Variants in THADA observed in about 807,000 individuals in gnomAD.
The protein encoded by THADA is tRNA (32-2'-O)-methyltransferase regulator THADA.
THADA carries 213 observed loss-of-function variants against 219.8 expected under a neutral mutation model. The ratio of observed to expected loss-of-function variants is 0.97; its 90% confidence interval spans 0.87 to 1.09. The LOEUF (loss-of-function observed/expected upper bound fraction) is 1.09, where lower values mean the gene tolerates loss of function less well. Among genes scored for constraint, THADA ranks in the 50% least tolerant of loss-of-function variants. The pLI, the probability that THADA is intolerant of heterozygous loss-of-function variation, is 0.00. For missense variants in THADA, 2,956 were observed against 2,311.3 expected, an observed-to-expected ratio of 1.28 and a Z score of -5.72; for synonymous variants, 1,018 against 828.9, an observed-to-expected ratio of 1.23 and a Z score of -3.92.
At chr2:43,591,759 GT>G (rs1701598637) in intron 3 of THADA, among the ~76,000 whole-genome samples, 192 bp downstream of exon 3, 1 of 152,054 alleles carries the variant, frequency 6.6e-6, no homozygotes, top group African/African-American at 2.4e-5. Context: ...TATGATAGAA[GT>G]CTGAATATGG....
At chr2:43,521,630 A>G (rs1460036592) in intron 22 of THADA, among the ~76,000 whole-genome samples, 2 of 152,218 alleles carry the variant, frequency 1.3e-5, no homozygotes, top group African/African-American at 4.8e-5. Flanking sequence ...ACTAAAAGTA[A>G]CAGAAGTGAA....
intron 29 of THADA, among the ~76,000 whole-genome samples, chr2:43,349,866 A>G (rs1668051516): frequency 6.6e-6 from 1 of 152,216 alleles, no homozygotes; most frequent in Admixed American, 6.5e-5. Context: ...CTGCAGGTGA[A>G]TATTTTTGAC....
chr2:43,259,853 T>C (rs1164085640), intron 36 of THADA, among the ~76,000 whole-genome samples: 2 of 152,380 alleles, frequency 1.3e-5, no homozygotes, highest in Middle Eastern at 3.4e-3. Flanking sequence ...AAAAGGGAAT[T>C]GCTGGCTCAA....
Position 43,432,556 on chromosome 2 carries a change from G to A in THADA, c.3837-2254C>T, listed in dbSNP as rs113511271. 1.3e-3 allele frequency among the ~76,000 whole-genome samples: 204 copies of A among 151,128 alleles called. 1 individual carries two copies. The highest frequency in any genetic ancestry group is 0.01 in the Middle Eastern group (3 of 292). Reference sequence around the variant, plus strand: ...TTTCATTTCTCCTGGATTAATATCCGAGAATAAAACTGTAACATGTCTAAC... The same window carrying A: ...TTTCATTTCTCCTGGATTAATATCCAAGAATAAAACTGTAACATGTCTAAC... On this transcript the variant is annotated intron_variant, in intron 26 of 37. Coordinates refer to ENST00000405975, the MANE Select transcript of THADA (RefSeq NM_022065.5).
chr2:43,261,156 T>G (rs1201913871), intron 36 of THADA, among the ~76,000 whole-genome samples: 1 of 151,992 alleles, frequency 6.6e-6, no homozygotes, highest in African/African-American at 2.4e-5. Context: ...TGCCTAATAT[T>G]ATTATTGCCA....
intron 10 of THADA, among the ~76,000 whole-genome samples, chr2:43,575,559 G>T (rs1418483355): frequency 1.3e-5 from 2 of 152,156 alleles, no homozygotes; most frequent in African/African-American, 4.8e-5. Flanking sequence ...ATTTATTTGA[G>T]ACAGGGTCTT....
At chr2:43,244,941 G>A (rs1192503184) in intron 36 of THADA, among the ~76,000 whole-genome samples, 2 of 152,150 alleles carry the variant, frequency 1.3e-5, no homozygotes, top group Non-Finnish European at 2.9e-5. Flanking sequence ...CTACCCCTGT[G>A]TCATGAGCCA....
intron 36 of THADA, among the ~76,000 whole-genome samples, chr2:43,246,360 T>C (rs979641437): frequency 6.6e-6 from 1 of 151,950 alleles, no homozygotes; most frequent in Non-Finnish European, 1.5e-5. Context: ...CCGGGCACGG[T>C]GGTGGGCGCC....
intron 31 of THADA, among the ~76,000 whole-genome samples, chr2:43,298,238 T>G (rs906193171): frequency 1.9e-4 from 15 of 80,702 alleles, no homozygotes; most frequent in Non-Finnish European, 2.9e-4. Context: ...AGACTTTTCA[T>G]TTTGTTCTGC....
In THADA at chr2:43,430,723, C is replaced by T. The variant is rs1679133110; in HGVS notation, c.3837-421G>A. On this transcript the variant is annotated intron_variant, in intron 26 of 37. Coordinates refer to ENST00000405975, the MANE Select transcript of THADA (RefSeq NM_022065.5). ...ACCCTGGCACCAATGACAGTTTGGACCAAATAACTCTTTGTTTCAGGGGAC... is the reference window on the plus strand; with the variant it reads ...ACCCTGGCACCAATGACAGTTTGGATCAAATAACTCTTTGTTTCAGGGGAC... The T allele has an allele frequency of 1.1e-4, 50 of 448,666 alleles. 1 individual carries two copies. The highest frequency in any genetic ancestry group is 7.9e-4 in the South Asian group (50 of 63,090). 27.8% of individuals were successfully genotyped at this position (448,666 alleles called of 1,614,324 possible).
At chr2:43,398,293 A>T (rs1200859206) in intron 28 of THADA, among the ~76,000 whole-genome samples, 154 bp from the exon 29 acceptor site, 1 of 152,228 alleles carries the variant, frequency 6.6e-6, no homozygotes, top group Non-Finnish European at 1.5e-5. Flanking sequence ...TTGTATCTGC[A>T]CTAGTTCTAC....
intron 30 of THADA, among the ~76,000 whole-genome samples, chr2:43,339,646 A>G (rs1441120358): frequency 1.3e-5 from 2 of 152,224 alleles, no homozygotes; most frequent in African/African-American, 4.8e-5. Context: ...AAACATACAC[A>G]TACACACTTA....
chr2:43,420,198 A>G (rs1445401522), intron 28 of THADA, among the ~76,000 whole-genome samples: 4 of 152,160 alleles, frequency 2.6e-5, no homozygotes, highest in African/African-American at 9.7e-5. Flanking sequence ...GACTTCTCCA[A>G]CCCACTGATG....
intron 28 of THADA, among the ~76,000 whole-genome samples, chr2:43,404,777 AG>A (rs749942539): frequency 1.3e-4 from 20 of 150,360 alleles, no homozygotes; most frequent in Non-Finnish European, 2.2e-4. Context: ...TTTACATCTG[AG>A]TTCTGACACT....
chr2:43,388,620 C>A (rs559303859), intron 29 of THADA, among the ~76,000 whole-genome samples: 14 of 152,294 alleles, frequency 9.2e-5, no homozygotes, highest in South Asian at 6.2e-4. Context: ...CAAGGAATAA[C>A]AACCTGATAG....
At chr2:43,401,537 CA>C (rs1226002642) in intron 28 of THADA, among the ~76,000 whole-genome samples, 1 of 152,200 alleles carries the variant, frequency 6.6e-6, no homozygotes, top group East Asian at 1.9e-4. Context: ...CTCAGCCTCC[CA>C]AAGTGTTGGG....
At chr2:43,468,498 C>A (rs1315722475) in intron 26 of THADA, among the ~76,000 whole-genome samples, 1 of 152,094 alleles carries the variant, frequency 6.6e-6, no homozygotes, top group African/African-American at 2.4e-5. Context: ...AATAAAGGGT[C>A]AGTAAAGCTT....
intron 32 of THADA, 148 bp downstream of exon 32, chr2:43,292,686 A>G (rs969969241): frequency 1.0e-5 from 10 of 959,288 alleles, no homozygotes; most frequent in Non-Finnish European, 1.4e-5. Context: ...CCATAAAAAG[A>G]GAGTCCTTAT....
chr2:43,522,847 A>G (rs757090199), intron 22 of THADA, among the ~76,000 whole-genome samples: 47 of 152,238 alleles, frequency 3.1e-4, no homozygotes, highest in Non-Finnish European at 5.7e-4. Context: ...TTTTCTCTCT[A>G]TAAAGAATAT....
Sources: allele counts gnomAD v4.1 joint callset (sites outside exome capture counted in the v4.1 genomes callset), GRCh38; gene constraint gnomAD v4.1.1; transcripts MANE v1.5; gene names NCBI Gene and HGNC (gene_info 2026-07-23, HGNC 2026-07-21).